Variants in NFIA observed in about 807,000 individuals in gnomAD.
NFIA encodes the protein nuclear factor I A.
NFIA carries 8 observed loss-of-function variants against 62.8 expected under a neutral mutation model. The observed-to-expected ratio is 0.13, with a 90% CI of 0.07 to 0.23. The LOEUF is 0.23. Ranked by LOEUF, NFIA falls within the 10% of genes least tolerant of loss-of-function variation. The probability of loss-of-function intolerance (pLI) is 1.00; values close to 1 mark genes in which losing one functional copy is unlikely to be tolerated. For missense variants in NFIA, 410 were observed against 642.1 expected (o/e 0.64, Z 3.91); for synonymous variants, 235 against 238.1 (o/e 0.99, Z 0.12).
At chr1:61,406,269 A>T (rs900493607) in intron 8 of NFIA, among the ~76,000 whole-genome samples, 9 of 152,316 alleles carry the variant, frequency 5.9e-5, no homozygotes, top group Admixed American at 3.9e-4. Flanking sequence ...CAAAGTGATA[A>T]TTGGCAGGTG....
chr1:61,270,480 A>G (rs183603966), intron 2 of NFIA, among the ~76,000 whole-genome samples: 135 of 152,312 alleles, frequency 8.9e-4, no homozygotes, highest in African/African-American at 2.8e-3. Context: ...TATTATTTCA[A>G]TAAAAGTTTG....
intron 8 of NFIA, 72 bp from the exon 9 acceptor site, chr1:61,406,490 A>G (rs1024433986): frequency 1.2e-5 from 16 of 1,310,020 alleles, no homozygotes; most frequent in Non-Finnish European, 1.2e-5. Context: ...TTGTTTTCAG[A>G]AGCAGCTAAT....
intron 6 of NFIA, among the ~76,000 whole-genome samples, chr1:61,368,978 A>G (rs1017552415): frequency 2.0e-5 from 3 of 152,212 alleles, no homozygotes; most frequent in Non-Finnish European, 4.4e-5. Flanking sequence ...GCTGTAATAG[A>G]TAAGATGTAG....
At chr1:61,309,594 A>C (rs1346914600) in intron 3 of NFIA, among the ~76,000 whole-genome samples, 1 of 152,192 alleles carries the variant, frequency 6.6e-6, no homozygotes, top group African/African-American at 2.4e-5. Flanking sequence ...AAAGTATAGA[A>C]ATTTAGGTGG....
chr1:61,301,177 CAG>C (rs1557692635), intron 3 of NFIA, among the ~76,000 whole-genome samples: 1 of 49,372 alleles, frequency 2.0e-5, no homozygotes, highest in Non-Finnish European at 7.5e-5. Flanking sequence ...GATATGCTAA[CAG>C]TCAGTGCTAT....
chr1:61,429,312 A>C (rs1210331364), intron 10 of NFIA, among the ~76,000 whole-genome samples: 3 of 152,206 alleles, frequency 2.0e-5, no homozygotes, highest in African/African-American at 4.8e-5. Context: ...TAGATGTGGA[A>C]GCTGAGACTA....
intron 2 of NFIA, among the ~76,000 whole-genome samples, chr1:61,199,257 G>T (rs893182388): frequency 6.6e-6 from 1 of 152,178 alleles, no homozygotes; most frequent in Admixed American, 6.5e-5. Context: ...TTGGAAAACA[G>T]TAACAACAAA....
At chr1:61,165,857 A>G (rs535788113) in intron 2 of NFIA, among the ~76,000 whole-genome samples, 1 of 152,342 alleles carries the variant, frequency 6.6e-6, no homozygotes, top group South Asian at 2.1e-4. Flanking sequence ...AACTTTTACA[A>G]CATATAATCC....
intron 2 of NFIA, among the ~76,000 whole-genome samples, chr1:61,129,895 A>G (rs1647043786): frequency 6.6e-6 from 1 of 152,216 alleles, no homozygotes; most frequent in African/African-American, 2.4e-5. Flanking sequence ...CTACTCCTAC[A>G]GAGAGCAACC....
chr1:61,101,132 ATGCCTG>A (rs1178860031), intron 2 of NFIA, among the ~76,000 whole-genome samples: 3 of 152,146 alleles, frequency 2.0e-5, no homozygotes, highest in Non-Finnish European at 4.4e-5. Flanking sequence ...ACAGTGGCTC[ATGCCTG>A]TAATCCCGGC....
At chr1:61,092,743 A>G (rs1303027407) in intron 2 of NFIA, among the ~76,000 whole-genome samples, 2 of 152,146 alleles carry the variant, frequency 1.3e-5, no homozygotes, top group Non-Finnish European at 2.9e-5. Flanking sequence ...TGGCTTCGTG[A>G]TTGCCATTCC....
intron 2 of NFIA, among the ~76,000 whole-genome samples, chr1:61,216,009 C>T (rs947897764): frequency 6.6e-6 from 1 of 152,188 alleles, no homozygotes; most frequent in African/African-American, 2.4e-5. Context: ...GCTGATGTTA[C>T]CAGGTGCAAG....
chr1:61,429,005 A>G (rs1472457627), intron 10 of NFIA, among the ~76,000 whole-genome samples: 2 of 152,190 alleles, frequency 1.3e-5, no homozygotes, highest in African/African-American at 4.8e-5. Context: ...CAGATGCAAA[A>G]TAAAATGGGC....
chr1:61,329,204 T>C (rs1460879132), intron 3 of NFIA, among the ~76,000 whole-genome samples: 2 of 150,206 alleles, frequency 1.3e-5, no homozygotes, highest in African/African-American at 4.9e-5. Context: ...TGCGCCACCA[T>C]GCCTAGCTAA....
At chr1:61,409,363 T>C (rs375919279) in intron 9 of NFIA, among the ~76,000 whole-genome samples, 58 of 152,320 alleles carry the variant, frequency 3.8e-4, no homozygotes, top group African/African-American at 1.3e-3. Flanking sequence ...CATAGTAATA[T>C]GTAGTTTCAC....
At chr1:61,329,240 G>A (rs1661151057) in intron 3 of NFIA, among the ~76,000 whole-genome samples, 1 of 148,860 alleles carries the variant, frequency 6.7e-6, no homozygotes, top group African/African-American at 2.5e-5. Context: ...GTAGAGATGG[G>A]TTTTACCGTA....
At chr1:61,264,501 A>G (rs11802718) in intron 2 of NFIA, among the ~76,000 whole-genome samples, 2,155 of 151,616 alleles carry the variant, frequency 0.014, 51 homozygotes, top group African/African-American at 0.049. Context: ...AAAAAAGAAA[A>G]AGAGCTGGGC....
chr1:61,413,615 C>CTTTTTTTTTTTTT (rs869258274), intron 9 of NFIA, among the ~76,000 whole-genome samples: 1 of 68,390 alleles, frequency 1.5e-5, no homozygotes, highest in Non-Finnish European at 2.5e-5. Flanking sequence ...AAGTATTTTG[C>CTTTTTTTTTTTTT]TTTTTTTTTT....
At chr1:61,352,657 G>T (rs755933931) in intron 5 of NFIA, 90 bp downstream of exon 5, 1 of 1,004,018 alleles carries the variant, frequency 1.0e-6, no homozygotes, top group Middle Eastern at 2.0e-4. Context: ...TTAGCAATGC[G>T]CCTTTAGTAA....
Sources: allele counts gnomAD v4.1 joint callset (sites outside exome capture counted in the v4.1 genomes callset), GRCh38; gene constraint gnomAD v4.1.1; transcripts MANE v1.5; gene names NCBI Gene and HGNC (gene_info 2026-07-23, HGNC 2026-07-21).